UBA2: variants seen among roughly 807,000 people sequenced by gnomAD.
The protein encoded by UBA2 is ubiquitin like modifier activating enzyme 2, also known as SUMO-activating enzyme subunit 2.
In UBA2, 11 loss-of-function variants were observed where a neutral mutation model predicts 77.2. That is an observed-to-expected ratio of 0.14 (90% CI 0.09 to 0.24). The LOEUF (loss-of-function observed/expected upper bound fraction) is 0.24, where lower values mean the gene tolerates loss of function less well. Among genes scored for constraint, UBA2 ranks in the 10% least tolerant of loss-of-function variants. The pLI is 1.00. For missense variants in UBA2, 487 were observed against 781.7 expected (o/e 0.62, Z 4.50); for synonymous variants, 278 against 276.7 (o/e 1.00, Z -0.05).
rs188457543 is a variant in UBA2, at chr19:34,456,296, G to C, written c.1245+1740G>C. On this transcript the variant is annotated intron_variant, in intron 12 of 16. Transcript: ENST00000246548. ...CACCTGGCTAATTTTTGTATTATTA[G>C]TAGAGACGGTGTTTCACCTGTTGCC... 1.9e-3 allele frequency among the ~76,000 whole-genome samples: 281 copies of C among 150,974 alleles called. 2 individuals carry two copies. The highest frequency in any genetic ancestry group is 6.1e-3 in the African/African-American group (250 of 41,198).
At chr19:34,436,538 A>T (rs1028686926) in intron 5 of UBA2, among the ~76,000 whole-genome samples, 1 of 152,148 alleles carries the variant, frequency 6.6e-6, no homozygotes, top group Admixed American at 6.5e-5. Context: ...ACCTCAGGTG[A>T]TCCACCTGCC....
chr19:34,468,211 G>A (rs2075707553), intron 16 of UBA2, among the ~76,000 whole-genome samples: 1 of 152,106 alleles, frequency 6.6e-6, no homozygotes, highest in Admixed American at 6.6e-5. Flanking sequence ...CCCTATGTCT[G>A]TGGCATTCTT....
chr19:34,452,276 A>T (rs2075509665), intron 10 of UBA2, 129 bp downstream of exon 10: 2 of 852,722 alleles, frequency 2.3e-6, no homozygotes, highest in African/African-American at 3.4e-5. Flanking sequence ...TTTGGCTTGG[A>T]TATTTTCAGC....
intron 15 of UBA2, among the ~76,000 whole-genome samples, chr19:34,465,229 G>A (rs2075674837): frequency 6.6e-6 from 1 of 152,180 alleles, no homozygotes; most frequent in Non-Finnish European, 1.5e-5. Flanking sequence ...TAGTGGTGCT[G>A]CCACCTGCGT....
rs889147236 is a variant in UBA2, at chr19:34,428,404, C to T, written c.-29C>T. 9 of 1,240,372 alleles carry T rather than the reference C, an allele frequency of 7.3e-6. No individual in the cohort carries two copies. The highest frequency in any genetic ancestry group is 4.1e-5 in the Admixed American group (1 of 24,244). 76.8% of individuals were successfully genotyped at this position (1,240,372 alleles called of 1,614,324 possible). Reference sequence around the variant, plus strand: ...CCGCGGCTCGGTTCTCCCGCCTCCGCCTCCGCCGCGGCTCGTGGTTGTCCC... The same window carrying T: ...CCGCGGCTCGGTTCTCCCGCCTCCGTCTCCGCCGCGGCTCGTGGTTGTCCC... On this transcript the variant is annotated 5_prime_UTR_variant, in exon 1 of 17. Coordinates refer to ENST00000246548, the MANE Select transcript of UBA2 (RefSeq NM_005499.3).
intron 2 of UBA2, 36 bp from the exon 3 acceptor site, chr19:34,431,825 A>ACT: frequency 4.4e-6 from 7 of 1,579,488 alleles, no homozygotes; most frequent in Non-Finnish European, 6.1e-6. Flanking sequence ...TAGGAACAGA[A>ACT]ATATTGTAGT....
At chr19:34,442,597 A>T (rs1331551726) in intron 6 of UBA2, among the ~76,000 whole-genome samples, 3 of 151,992 alleles carry the variant, frequency 2.0e-5, no homozygotes, top group African/African-American at 7.3e-5. Flanking sequence ...ACGCCCAGCT[A>T]ATATTTGTAT....
At chr19:34,455,051 T>C (rs1021264856) in intron 12 of UBA2, among the ~76,000 whole-genome samples, 3 of 152,240 alleles carry the variant, frequency 2.0e-5, no homozygotes, top group Admixed American at 1.3e-4. Context: ...TTTTAAAAAC[T>C]GAATGTGTAT....
intron 9 of UBA2, among the ~76,000 whole-genome samples, chr19:34,450,740 A>ATTTTTTTTTT (rs2075484424): frequency 8.1e-6 from 1 of 123,550 alleles, no homozygotes; most frequent in Non-Finnish European, 1.7e-5. Context: ...ATTTATGTAT[A>ATTTTTTTTTT]TCTTTTTTTT....
intron 14 of UBA2, among the ~76,000 whole-genome samples, chr19:34,462,194 CAG>C (rs2075638898): frequency 6.6e-6 from 1 of 152,108 alleles, no homozygotes; most frequent in South Asian, 2.1e-4. Context: ...AGGGTTTAAA[CAG>C]GGGAGTAGCA....
At chr19:34,436,867 A>C (rs1295677109) in intron 5 of UBA2, among the ~76,000 whole-genome samples, 1 of 152,212 alleles carries the variant, frequency 6.6e-6, no homozygotes, top group Non-Finnish European at 1.5e-5. Flanking sequence ...CATTCTACAA[A>C]AGACTGTTGT....
intron 14 of UBA2, among the ~76,000 whole-genome samples, chr19:34,461,377 T>C (rs2075629739): frequency 6.6e-6 from 1 of 152,210 alleles, no homozygotes; most frequent in Admixed American, 6.5e-5. Context: ...TCTTCTTGGT[T>C]GTAGTTGCTT....
At chr19:34,429,184 C>T (rs2075222936) in intron 1 of UBA2, 6 of 985,386 alleles carry the variant, frequency 6.1e-6, no homozygotes, top group Non-Finnish European at 7.2e-6. Context: ...TGGCAGGGCT[C>T]CCGCAGGCTG....
intron 8 of UBA2, among the ~76,000 whole-genome samples, chr19:34,446,501 A>G (rs1396087316): frequency 6.6e-6 from 1 of 151,476 alleles, no homozygotes; most frequent in Non-Finnish European, 1.5e-5. Context: ...GCTTTCCAAC[A>G]CGCACAGGTT....
intron 14 of UBA2, 32 bp from the exon 15 acceptor site, chr19:34,463,994 A>G (rs1280960140): frequency 6.9e-7 from 1 of 1,441,272 alleles, no homozygotes; most frequent in Non-Finnish European, 9.8e-7. Context: ...TGAAGATGTA[A>G]CTGAAGTATC....
chr19:34,447,219 T>G (rs1182180993), intron 8 of UBA2, among the ~76,000 whole-genome samples: 1 of 152,168 alleles, frequency 6.6e-6, no homozygotes, highest in Non-Finnish European at 1.5e-5. Context: ...TTCATGTTTT[T>G]CTGGCTGCTG....
At chr19:34,430,729 C>A in intron 2 of UBA2, 70 bp downstream of exon 2, 1 of 1,261,388 alleles carries the variant, frequency 7.9e-7, no homozygotes, top group Non-Finnish European at 1.2e-6. Flanking sequence ...ATTAATCCTG[C>A]CTGTCATATA....
chr19:34,435,758 AG>A (rs1422493163), intron 5 of UBA2, among the ~76,000 whole-genome samples: 2 of 151,428 alleles, frequency 1.3e-5, no homozygotes, highest in Non-Finnish European at 2.9e-5. Flanking sequence ...TGAACCTCGG[AG>A]GTGGAGGTTA....
intron 7 of UBA2, 78 bp downstream of exon 7, chr19:34,443,989 G>GA (rs1392991644): frequency 2.2e-5 from 19 of 867,264 alleles, no homozygotes; most frequent in Non-Finnish European, 3.2e-5. Flanking sequence ...TAGCTTAAGG[G>GA]AAAAAAATTG....
Sources: gnomAD v4.1 joint callset for allele counts (sites outside exome capture counted in the v4.1 genomes callset) on GRCh38, gnomAD v4.1.1 for gene constraint, MANE v1.5 for transcripts, NCBI Gene and HGNC (gene_info 2026-07-23, HGNC 2026-07-21) for gene names.